BUB1B: variants seen among roughly 807,000 people sequenced by gnomAD.
The protein encoded by BUB1B is mitotic checkpoint serine/threonine-protein kinase BUB1 beta.
Under a neutral mutation model 137.7 loss-of-function variants are expected in BUB1B, and 86 were observed. That is an observed-to-expected ratio of 0.62 (90% CI 0.52 to 0.75). BUB1B has a LOEUF of 0.75. BUB1B is among the 30% of genes least tolerant of loss of function. The probability of loss-of-function intolerance (pLI) is 0.00; values close to 1 mark genes in which losing one functional copy is unlikely to be tolerated. For missense variants in BUB1B, 1,130 were observed against 1,236.9 expected (o/e 0.91, Z 1.30); for synonymous variants, 420 against 417.9 (o/e 1.00, Z -0.06).
Position 40,217,632 on chromosome 15 carries a change from C to A in BUB1B, c.2815C>A (p.Gln939Lys). 1.9e-6 allele frequency: 3 copies of A among 1,614,172 alleles called. No individual in the cohort carries two copies. The highest frequency in any genetic ancestry group is 2.5e-6 in the Non-Finnish European group (3 of 1,180,030). ...GFRTVQILEG[Q>K]KILANCSSPY... Reference sequence around the variant, plus strand: ...TCGGACTGTACAGATCCTGGAAGGACAAAAGATCCTGGCTAACTGTTCTTC... The same window carrying A: ...TCGGACTGTACAGATCCTGGAAGGAAAAAAGATCCTGGCTAACTGTTCTTC... Residue 939 changes from glutamine to lysine, a missense_variant, in exon 21 of 23, where the codon CAA becomes AAA. Gln to Lys is a moderately conservative substitution (Grantham distance 53). Transcript: ENST00000287598.
intron 8 of BUB1B, among the ~76,000 whole-genome samples, chr15:40,193,809 G>T (rs921678428): frequency 6.6e-6 from 1 of 151,502 alleles, no homozygotes; most frequent in Non-Finnish European, 1.5e-5. Context: ...CAGGAGAATC[G>T]CTTGAACCTG....
intron 4 of BUB1B, chr15:40,174,042 G>A (rs983460829): frequency 4.6e-5 from 18 of 390,450 alleles, no homozygotes; most frequent in African/African-American, 3.8e-4. Flanking sequence ...TTAACTTTTA[G>A]ATCTATTAAT....
In BUB1B at chr15:40,200,161, G is replaced by A. The variant is rs2037546895; in HGVS notation, c.1402-83G>A. The A allele has an allele frequency of 3.3e-6, 3 of 912,208 alleles. No homozygotes were observed. In the East Asian group the frequency reaches 7.9e-5, roughly 24 times the overall value. 56.5% of individuals were successfully genotyped at this position (912,208 alleles called of 1,614,324 possible). A position where few individuals can be genotyped will look rare whatever the true frequency, so the allele number is the denominator to read the frequency against. ...CTGTTAGTGGATGTCTAGGGAAAGA[G>A]TACAGTAAAGCTAATGTTAGAACTA... On this transcript the variant is annotated intron_variant, in intron 10 of 22. Transcript: ENST00000287598.
chr15:40,162,422 A>G (rs1024292713), intron 1 of BUB1B, among the ~76,000 whole-genome samples: 1 of 152,242 alleles, frequency 6.6e-6, no homozygotes, highest in African/African-American at 2.4e-5. Flanking sequence ...TTGGGTTTAA[A>G]TGGGGTCACT....
chr15:40,205,991 A>G (rs2037631607), intron 14 of BUB1B, among the ~76,000 whole-genome samples, 193 bp from the exon 15 acceptor site: 1 of 152,172 alleles, frequency 6.6e-6, no homozygotes, highest in South Asian at 2.1e-4. Context: ...TGTATGGAGA[A>G]TCTTCCTGGT....
chr15:40,167,198 T>C (rs1411864096), intron 2 of BUB1B, among the ~76,000 whole-genome samples: 3 of 151,030 alleles, frequency 2.0e-5, no homozygotes, highest in African/African-American at 7.3e-5. Context: ...TTTAAACTGC[T>C]TAGTTTTAAA....
At chr15:40,189,615 GAT>G (rs2037412244) in intron 8 of BUB1B, among the ~76,000 whole-genome samples, 1 of 152,216 alleles carries the variant, frequency 6.6e-6, no homozygotes, top group East Asian at 1.9e-4. Context: ...TTCATCAGTT[GAT>G]ACAAATTTTA....
chr15:40,183,271 A>G (rs2037317523), intron 5 of BUB1B, among the ~76,000 whole-genome samples: 2 of 152,202 alleles, frequency 1.3e-5, no homozygotes, highest in Admixed American at 1.3e-4. Flanking sequence ...GAAACCGTAT[A>G]TGTGTGTGCG....
intron 4 of BUB1B, among the ~76,000 whole-genome samples, chr15:40,175,893 T>C (rs62020027): frequency 0.12 from 17,514 of 152,194 alleles, 1,186 homozygotes; most frequent in Non-Finnish European, 0.15. Context: ...TTCCACCTGA[T>C]AAAAGTCCAT....
chr15:40,169,927 A>G, intron 2 of BUB1B, 135 bp from the exon 3 acceptor site: 1 of 826,798 alleles, frequency 1.2e-6, no homozygotes, highest in Non-Finnish European at 2.0e-6. Context: ...TCTATTCTAT[A>G]ACAAACCCAT....
In BUB1B at chr15:40,208,632, T is replaced by A; in HGVS notation, c.2010-5T>A. On this transcript the variant is annotated splice_polypyrimidine_tract_variant and splice_region_variant and intron_variant, in intron 15 of 22. Coordinates refer to ENST00000287598, the MANE Select transcript of BUB1B (RefSeq NM_001211.6). ...TAAGAATTAACTTATTTTTGATTCTTTTAGCCCAATTATTGAAGACAGTCG... is the reference window on the plus strand; with the variant it reads ...TAAGAATTAACTTATTTTTGATTCTATTAGCCCAATTATTGAAGACAGTCG... 1 of 1,612,168 alleles carries A rather than the reference T, an allele frequency of 6.2e-7. No homozygotes were observed. Among genetic ancestry groups the A allele is most frequent in the Non-Finnish European group, 8.5e-7 (1 of 1,178,374 alleles).
At chr15:40,186,319 C>T (rs1361255707) in intron 8 of BUB1B, among the ~76,000 whole-genome samples, 3 of 151,780 alleles carry the variant, frequency 2.0e-5, no homozygotes, top group African/African-American at 4.8e-5. Flanking sequence ...CATATTTTTC[C>T]TCTTTCTTCC....
intron 8 of BUB1B, among the ~76,000 whole-genome samples, chr15:40,190,548 C>T (rs28817922): frequency 0.04 from 6,142 of 152,198 alleles, 413 homozygotes; most frequent in African/African-American, 0.14. Context: ...CAGGAGTCTA[C>T]GGCTGCAGTG....
intron 11 of BUB1B, among the ~76,000 whole-genome samples, 158 bp from the exon 12 acceptor site, chr15:40,200,773 C>T (rs2037558336): frequency 6.6e-6 from 1 of 152,100 alleles, no homozygotes; most frequent in Non-Finnish European, 1.5e-5. Flanking sequence ...TTTTTGATAA[C>T]CAAAGCTTCC....
Position 40,208,766 on chromosome 15 carries a change from T to C in BUB1B, c.2139T>C (p.Thr713=). 6.2e-7 allele frequency: 1 copy of C among 1,611,740 alleles called. No homozygotes were observed. Among genetic ancestry groups the C allele is most frequent in the East Asian group, 2.2e-5 (1 of 44,852 alleles). ...AGAAACTAGAACTTACTAATGAGAC[T>C]TCAGGTAGGATATACATACCACTAT... ...IPEKLELTNE[T]SENPTQSPWC... Residue 713 remains threonine, a synonymous_variant, in exon 16 of 23, where the codon ACT becomes ACC. Transcript: ENST00000287598.
At chr15:40,198,457 T>A (rs2037525669) in intron 9 of BUB1B, among the ~76,000 whole-genome samples, 1 of 152,194 alleles carries the variant, frequency 6.6e-6, no homozygotes, top group Admixed American at 6.5e-5. Context: ...GTTTGTACCC[T>A]TACATAAATC....
intron 2 of BUB1B, among the ~76,000 whole-genome samples, chr15:40,167,342 CTTTTTTTTTTTTTT>C (rs767161007): frequency 1.3e-5 from 1 of 77,098 alleles, no homozygotes; most frequent in Admixed American, 2.0e-4. Flanking sequence ...TTCATTTTAG[CTTTTTTTTTTTTTT>C]TTTTTTTTTT....
rs374560564 is a variant in BUB1B at position 40,200,255 on chromosome 15, G to A, written c.1413G>A (p.Thr471=). Residue 471 remains threonine, a synonymous_variant, in exon 11 of 23, where the codon ACG becomes ACA. Transcript: ENST00000287598. ...QERTGDQQEE[T]MPTKETTKLQ... ...TTTAATGCAAACAGCAAGAAGAGAC[G>A]ATGCCTACAAAGGAGACAACTAAAC... is the stretch of plus-strand genomic sequence containing the variant. 98 of 1,612,528 alleles carry A rather than the reference G, an allele frequency of 6.1e-5. No individual in the cohort carries two copies. Among genetic ancestry groups the A allele is most frequent in the Middle Eastern group, 1.6e-4 (1 of 6,082 alleles).
At chr15:40,193,563 G>T (rs1028002092) in intron 8 of BUB1B, among the ~76,000 whole-genome samples, 4 of 144,548 alleles carry the variant, frequency 2.8e-5, no homozygotes, top group African/African-American at 1.0e-4. Flanking sequence ...ATCCATCCTG[G>T]TAGTTGGGAC....
Sources: gnomAD v4.1 joint callset for allele counts (sites outside exome capture counted in the v4.1 genomes callset) on GRCh38, gnomAD v4.1.1 for gene constraint, MANE v1.5 for transcripts, NCBI Gene and HGNC (gene_info 2026-07-23, HGNC 2026-07-21) for gene names.